The following PTGFRN variants were observed in gnomAD, a reference collection of about 807,000 sequenced individuals.
The protein encoded by PTGFRN is prostaglandin F2 receptor negative regulator.
Under a neutral mutation model 83.2 loss-of-function variants are expected in PTGFRN, and 35 were observed. The observed-to-expected ratio is 0.42, with a 90% confidence interval of 0.32 to 0.56. The LOEUF (loss-of-function observed/expected upper bound fraction) is 0.56, where lower values mean the gene tolerates loss of function less well. Ranked by LOEUF, PTGFRN falls within the 20% of genes least tolerant of loss-of-function variation. The probability of loss-of-function intolerance (pLI) is 0.11; values close to 1 mark genes in which losing one functional copy is unlikely to be tolerated. For synonymous variants in PTGFRN, 519 were observed against 498.6 expected (o/e 1.04, Z -0.55); for missense variants, 1,051 against 1,179.5 (o/e 0.89, Z 1.60).
At chr1:116,911,156 C>T (rs1649263556) in intron 1 of PTGFRN, among the ~76,000 whole-genome samples, 1 of 152,112 alleles carries the variant, frequency 6.6e-6, no homozygotes, top group African/African-American at 2.4e-5. Context: ...TAAGTGCCCA[C>T]CATGGTACCC....
intron 6 of PTGFRN, among the ~76,000 whole-genome samples, chr1:116,970,332 A>G (rs1650959000): frequency 6.6e-6 from 1 of 150,692 alleles, no homozygotes; most frequent in Non-Finnish European, 1.5e-5. Context: ...TTTGTTGAGT[A>G]TTTTTGTCAT....
chr1:116,910,239 G>C lies in PTGFRN; in HGVS notation c.36G>C (p.Ala12=). 6.9e-7 allele frequency: 1 copy of C among 1,455,138 alleles called. No homozygotes were observed. Among genetic ancestry groups the C allele is most frequent in the Non-Finnish European group, 9.0e-7 (1 of 1,110,208 alleles). The allele number at this position is 1,455,138 out of a possible 1,614,324, so 90.1% of individuals were successfully genotyped here. ...GRLASRPLLL[A]LLSLALCRGR... is the part of the protein sequence containing the mutation. ...TGGCCTCGAGGCCGCTGCTGCTGGCGCTCCTGTCGTTGGGTGAGTGTGCGC... is the reference window on the plus strand; with the variant it reads ...TGGCCTCGAGGCCGCTGCTGCTGGCCCTCCTGTCGTTGGGTGAGTGTGCGC... The change falls in exon 1 of 9, where the codon GCG becomes GCC. Residue 12 remains alanine (A), a synonymous_variant. Transcript: ENST00000393203.
chr1:116,967,336 C>T lies in PTGFRN; in HGVS notation c.2059+6C>T. On this transcript the variant is annotated splice_donor_region_variant and intron_variant, in intron 6 of 8. Coordinates refer to ENST00000393203, the MANE Select transcript of PTGFRN (RefSeq NM_020440.4). ...GATAGACTTCCAAACCTCAGGTGAGCAGTGAGCCCTGTTGAATCATAGGTG... is the reference window on the plus strand; with the variant it reads ...GATAGACTTCCAAACCTCAGGTGAGTAGTGAGCCCTGTTGAATCATAGGTG... 1 of 1,603,864 alleles carries T rather than the reference C, an allele frequency of 6.2e-7. No individual in the cohort carries two copies. The highest frequency in any genetic ancestry group is 8.5e-7 in the Non-Finnish European group (1 of 1,172,472).
intron 6 of PTGFRN, among the ~76,000 whole-genome samples, chr1:116,968,182 G>A (rs10801917): frequency 0.37 from 55,857 of 151,928 alleles, 10,719 homozygotes; most frequent in African/African-American, 0.49. Context: ...TTAATACTAA[G>A]TGTTTTCACT....
chr1:116,987,096 C>T lies in PTGFRN; in HGVS notation c.*129C>T. 2 of 1,097,082 alleles carry T rather than the reference C, an allele frequency of 1.8e-6. No individual in the cohort carries two copies. The highest frequency in any genetic ancestry group is 2.4e-5 in the Admixed American group (1 of 41,394). 68.0% of individuals were successfully genotyped at this position (1,097,082 alleles called of 1,614,324 possible). ...CTCTCTAATCTCAGGTGGGACTTGG[C>T]GCTCTCTCTTTTCTGCATGTCAAGT... On this transcript the variant is annotated 3_prime_UTR_variant, in exon 9 of 9. Coordinates refer to ENST00000393203, the MANE Select transcript of PTGFRN (RefSeq NM_020440.4).
At chr1:116,977,889 G>A (rs1242762943) in intron 7 of PTGFRN, among the ~76,000 whole-genome samples, 1 of 152,164 alleles carries the variant, frequency 6.6e-6, no homozygotes, top group African/African-American at 2.4e-5. Context: ...AGCTGAAGGA[G>A]ATAGAGACAC....
chr1:116,963,267 C>T (rs1650724098), intron 5 of PTGFRN, among the ~76,000 whole-genome samples: 1 of 152,256 alleles, frequency 6.6e-6, no homozygotes, highest in African/African-American at 2.4e-5. Flanking sequence ...TCCCCACTCT[C>T]CTAAGTGATT....
intron 1 of PTGFRN, among the ~76,000 whole-genome samples, chr1:116,922,200 T>A (rs922136426): frequency 2.6e-5 from 4 of 152,208 alleles, no homozygotes; most frequent in African/African-American, 9.6e-5. Flanking sequence ...GCCAGCCTGC[T>A]AAATTAAGGT....
At chr1:116,940,712 T>C (rs1025500242) in intron 1 of PTGFRN, among the ~76,000 whole-genome samples, 2 of 152,220 alleles carry the variant, frequency 1.3e-5, no homozygotes, top group African/African-American at 4.8e-5. Flanking sequence ...GTGGCAGAAG[T>C]CAAAGGTAAG....
At chr1:116,960,059 A>G (rs934500368) in intron 4 of PTGFRN, among the ~76,000 whole-genome samples, 1 of 152,226 alleles carries the variant, frequency 6.6e-6, no homozygotes, top group African/African-American at 2.4e-5. Context: ...TGCCTACTGC[A>G]TAAAAGGCAG....
chr1:116,912,518 GC>G (rs1649298895), intron 1 of PTGFRN, among the ~76,000 whole-genome samples: 1 of 151,970 alleles, frequency 6.6e-6, no homozygotes, highest in South Asian at 2.1e-4. Flanking sequence ...TCAATTCTTG[GC>G]TCTCCCCGTA....
At position 116,918,184 on chromosome 1, in the gene PTGFRN, C is replaced by G. The variant is rs780610243; in HGVS notation, c.49+7932C>G. On this transcript the variant is annotated intron_variant, in intron 1 of 8. Coordinates refer to ENST00000393203, the MANE Select transcript of PTGFRN (RefSeq NM_020440.4). This position sits in a 1 kb window ranked among gnomAD's most constrained non-coding sequence, Gnocchi z 4.1. The stretch of plus-strand genomic sequence containing the variant: ...ACTTCTGTTCTTTATACCCTTCCAG[C>G]CTTACTTCATCTCCCAATTAAAAGA... 2.6e-5 allele frequency among the ~76,000 whole-genome samples: 4 copies of G among 152,164 alleles called. No homozygotes were observed. The highest frequency in any genetic ancestry group is 5.9e-5 in the Non-Finnish European group (4 of 68,034).
At position 116,944,770 on chromosome 1, in the gene PTGFRN, C is replaced by T. The variant is rs148769134; in HGVS notation, c.510C>T (p.Thr170=). The stretch of plus-strand genomic sequence containing the variant: ...GGGAGCCCTTCGAGCTGCGCTGCAC[C>T]GCCGCCTCCGCCTCGCCGCTGCACA... ...REGEPFELRC[T]AASASPLHTH... is the part of the protein sequence containing the mutation. Residue 170 remains threonine, a synonymous_variant, in exon 3 of 9, where the codon ACC becomes ACT. Transcript: ENST00000393203. 0.025 allele frequency: 39,411 copies of T among 1,553,910 alleles called. 589 individuals are homozygous for T. Among genetic ancestry groups the T allele is most frequent in the Non-Finnish European group, 0.029 (32,931 of 1,154,012 alleles).
At chr1:116,985,113 C>T (rs899202992) in intron 8 of PTGFRN, 128 bp downstream of exon 8, 4 of 1,009,196 alleles carry the variant, frequency 4.0e-6, no homozygotes, top group Non-Finnish European at 4.3e-6. Flanking sequence ...TCTTTCTAGA[C>T]CTGGCCTGAG....
intron 6 of PTGFRN, among the ~76,000 whole-genome samples, chr1:116,971,559 T>C (rs1212985894): frequency 6.6e-6 from 1 of 152,166 alleles, no homozygotes; most frequent in Non-Finnish European, 1.5e-5. Context: ...ACCACAGAAA[T>C]TGACCATAAT....
chr1:116,962,695 C>G (rs551224976), intron 5 of PTGFRN, among the ~76,000 whole-genome samples: 40 of 152,278 alleles, frequency 2.6e-4, no homozygotes, highest in African/African-American at 9.6e-4. Flanking sequence ...GAAACCCCTC[C>G]ACAGTCTCAA....
At chr1:116,930,968 G>T (rs1418535863) in intron 1 of PTGFRN, among the ~76,000 whole-genome samples, 1 of 152,126 alleles carries the variant, frequency 6.6e-6, no homozygotes. Flanking sequence ...AGCTTTTTAT[G>T]AATCCCTTTG....
chr1:116,972,801 T>C (rs1443382364), intron 6 of PTGFRN, among the ~76,000 whole-genome samples: 2 of 152,202 alleles, frequency 1.3e-5, no homozygotes, highest in Non-Finnish European at 1.5e-5. Flanking sequence ...TTAGCTAAGC[T>C]GAAAGCTATG....
intron 4 of PTGFRN, among the ~76,000 whole-genome samples, chr1:116,955,527 C>T (rs1381346684): frequency 6.6e-6 from 1 of 151,984 alleles, no homozygotes; most frequent in Non-Finnish European, 1.5e-5. Context: ...AAGTATATCC[C>T]AGACATCATG....
Sources: gnomAD v4.1 joint callset for allele counts (sites outside exome capture counted in the v4.1 genomes callset) on GRCh38, gnomAD v4.1.1 for gene constraint, Gnocchi (gnomAD v3.1) non-coding constraint, MANE v1.5 for transcripts, NCBI Gene and HGNC (gene_info 2026-07-23, HGNC 2026-07-21) for gene names.